ARHGAP15: variants seen among roughly 807,000 people sequenced by gnomAD.
ARHGAP15 encodes Rho GTPase activating protein 15.
In ARHGAP15, 51 loss-of-function variants were observed where a neutral mutation model predicts 63.7. That is an observed-to-expected ratio of 0.80 (90% CI 0.64 to 1.01). ARHGAP15 has a LOEUF of 1.01. Among genes scored for constraint, ARHGAP15 ranks in the 50% least tolerant of loss-of-function variants. ARHGAP15 has a pLI of 0.00. For missense variants in ARHGAP15, 560 were observed against 564.6 expected (o/e 0.99, Z 0.08); for synonymous variants, 191 against 193.8 (o/e 0.99, Z 0.12).
At chr2:143,415,950 A>C (rs1172094160) in intron 6 of ARHGAP15, among the ~76,000 whole-genome samples, 1 of 152,158 alleles carries the variant, frequency 6.6e-6, no homozygotes, top group African/African-American at 2.4e-5. Flanking sequence ...TAAAAATGAC[A>C]CAATGGACTT....
At chr2:143,511,839 A>T (rs1397638380) in intron 9 of ARHGAP15, among the ~76,000 whole-genome samples, 1 of 152,226 alleles carries the variant, frequency 6.6e-6, no homozygotes. Flanking sequence ...ATCCTACCAC[A>T]GCACTTAAAT....
intron 9 of ARHGAP15, among the ~76,000 whole-genome samples, chr2:143,510,018 TAAAAAAAA>T (rs35469918): frequency 1.0e-3 from 49 of 48,824 alleles, no homozygotes; most frequent in South Asian, 4.4e-3. Flanking sequence ...GACTCCCTCT[TAAAAAAAA>T]AAAAAAAAAA....
intron 6 of ARHGAP15, among the ~76,000 whole-genome samples, chr2:143,376,298 A>T (rs1325535427): frequency 6.6e-6 from 1 of 152,202 alleles, no homozygotes; most frequent in Non-Finnish European, 1.5e-5. Flanking sequence ...AGAGCATGCT[A>T]TGTAATTTGT....
At chr2:143,195,503 C>G (rs533388906) in intron 2 of ARHGAP15, among the ~76,000 whole-genome samples, 1 of 152,138 alleles carries the variant, frequency 6.6e-6, no homozygotes, top group South Asian at 2.1e-4. Context: ...AAAAAAAAAG[C>G]TTCACTAACT....
chr2:143,245,737 G>A (rs1694025557), intron 5 of ARHGAP15, among the ~76,000 whole-genome samples: 3 of 152,276 alleles, frequency 2.0e-5, no homozygotes, highest in African/African-American at 7.2e-5. Context: ...CTCAGGAAAT[G>A]AGGGACAAGA....
At chr2:143,196,471 A>G (rs1212328359) in intron 2 of ARHGAP15, among the ~76,000 whole-genome samples, 2 of 152,070 alleles carry the variant, frequency 1.3e-5, no homozygotes, top group South Asian at 4.1e-4. Context: ...TCAAATATTT[A>G]TCAGGAAAAC....
chr2:143,543,898 A>C (rs1695215050), intron 10 of ARHGAP15, among the ~76,000 whole-genome samples: 1 of 152,182 alleles, frequency 6.6e-6, no homozygotes, highest in Non-Finnish European at 1.5e-5. Context: ...TATGTAGTAC[A>C]GAATGAAGCT....
chr2:143,688,884 C>A (rs1683468126), intron 12 of ARHGAP15, among the ~76,000 whole-genome samples: 1 of 152,028 alleles, frequency 6.6e-6, no homozygotes, highest in Admixed American at 6.6e-5. Context: ...TCTATCCTTG[C>A]CATTTGAAAG....
intron 6 of ARHGAP15, among the ~76,000 whole-genome samples, chr2:143,283,905 A>G (rs537933378): frequency 3.6e-4 from 54 of 152,012 alleles, no homozygotes; most frequent in Non-Finnish European, 5.6e-4. Context: ...TCATGGCTTC[A>G]GCTATGCCTT....
chr2:143,476,525 G>C, intron 8 of ARHGAP15, among the ~76,000 whole-genome samples: 1 of 152,140 alleles, frequency 6.6e-6, no homozygotes, highest in East Asian at 1.9e-4. Context: ...TGTGTGTGTG[G>C]AGCTGTATGT....
At chr2:143,384,162 C>T (rs1056868104) in intron 6 of ARHGAP15, among the ~76,000 whole-genome samples, 2 of 152,110 alleles carry the variant, frequency 1.3e-5, no homozygotes, top group Admixed American at 6.6e-5. Flanking sequence ...TTAAAAATCT[C>T]AGGACATTTA....
At chr2:143,601,295 A>G (rs1047161233) in intron 11 of ARHGAP15, among the ~76,000 whole-genome samples, 2 of 152,162 alleles carry the variant, frequency 1.3e-5, no homozygotes, top group African/African-American at 4.8e-5. Flanking sequence ...CAAAATCTTT[A>G]TCTTGCTTAA....
intron 8 of ARHGAP15, among the ~76,000 whole-genome samples, chr2:143,466,055 T>A (rs1035447274): frequency 2.0e-5 from 3 of 149,944 alleles, no homozygotes; most frequent in African/African-American, 7.4e-5. Flanking sequence ...ATTCCAAAAT[T>A]TTTTTTTTTT....
At chr2:143,165,990 GAAAGAAAGAAA>G (rs1690497133) in intron 2 of ARHGAP15, among the ~76,000 whole-genome samples, 1 of 126,624 alleles carries the variant, frequency 7.9e-6, no homozygotes, top group Non-Finnish European at 1.7e-5. Flanking sequence ...AAGAAAGAAA[GAAAGAAAGAAA>G]GAAGGAAGGA....
chr2:143,562,482 G>T (rs113075471), intron 11 of ARHGAP15, among the ~76,000 whole-genome samples: 2,226 of 152,176 alleles, frequency 0.015, 33 homozygotes, highest in Non-Finnish European at 0.019. Flanking sequence ...TACTCTCACC[G>T]CCAATCACAG....
At chr2:143,348,530 A>G (rs1441505916) in intron 6 of ARHGAP15, among the ~76,000 whole-genome samples, 1 of 152,160 alleles carries the variant, frequency 6.6e-6, no homozygotes, top group Non-Finnish European at 1.5e-5. Flanking sequence ...CTGGTGCTTC[A>G]TTACAACCAT....
intron 3 of ARHGAP15, among the ~76,000 whole-genome samples, chr2:143,212,063 G>A (rs146244998): frequency 0.017 from 2,635 of 152,276 alleles, 231 homozygotes; most frequent in Admixed American, 0.16. Flanking sequence ...TATTTTAACA[G>A]AACCCTTTGG....
intron 5 of ARHGAP15, among the ~76,000 whole-genome samples, chr2:143,230,789 G>T (rs569912422): frequency 6.6e-6 from 1 of 152,294 alleles, no homozygotes; most frequent in South Asian, 2.1e-4. Flanking sequence ...TAAAGATGCT[G>T]TGGTTTTATT....
chr2:143,725,720 T>C (rs1300642420), intron 13 of ARHGAP15, among the ~76,000 whole-genome samples: 1 of 152,156 alleles, frequency 6.6e-6, no homozygotes, highest in Non-Finnish European at 1.5e-5. Flanking sequence ...AGTGTCAAGG[T>C]TCTGTGAGGA....
Sources: gnomAD v4.1 joint callset for allele counts (sites outside exome capture counted in the v4.1 genomes callset) on GRCh38, gnomAD v4.1.1 for gene constraint, MANE v1.5 for transcripts, NCBI Gene and HGNC (gene_info 2026-07-23, HGNC 2026-07-21) for gene names.